NOTCH2: variants seen among roughly 807,000 people sequenced by gnomAD.
NOTCH2 encodes notch receptor 2.
NOTCH2 carries 29 observed loss-of-function variants against 235.8 expected under a neutral mutation model. The observed-to-expected ratio is 0.12, with a 90% confidence interval of 0.09 to 0.17. The LOEUF (loss-of-function observed/expected upper bound fraction) is 0.17. NOTCH2 is among the 10% of genes least tolerant of loss of function. The probability of loss-of-function intolerance (pLI) is 1.00; values close to 1 mark genes in which losing one functional copy is unlikely to be tolerated. For missense variants in NOTCH2, 2,285 were observed against 3,150.2 expected (o/e 0.73, Z 6.57); for synonymous variants, 1,086 against 1,141.5 (o/e 0.95, Z 0.98).
chr1:119,998,429 G>A (rs1377429107), intron 3 of NOTCH2, among the ~76,000 whole-genome samples: 3 of 152,188 alleles, frequency 2.0e-5, no homozygotes, highest in Admixed American at 6.5e-5. Context: ...AAGCCATCAG[G>A]AGGACAGAGG....
chr1:119,932,603 ACAAATATC>A (rs1229523414), intron 22 of NOTCH2, among the ~76,000 whole-genome samples: 2 of 138,088 alleles, frequency 1.4e-5, no homozygotes, highest in African/African-American at 2.9e-5. Context: ...AAACAAACAA[ACAAATATC>A]TATCTATCTA....
chr1:119,962,769 A>C (rs752990376), intron 11 of NOTCH2, among the ~76,000 whole-genome samples: 9 of 152,082 alleles, frequency 5.9e-5, no homozygotes, highest in Non-Finnish European at 1.3e-4. Context: ...CCACTAATAC[A>C]TTTTCCTTTG....
intron 1 of NOTCH2, among the ~76,000 whole-genome samples, chr1:120,063,418 A>G (rs1655386588): frequency 6.6e-6 from 1 of 151,738 alleles, no homozygotes; most frequent in African/African-American, 2.4e-5. Context: ...GGACACCAAA[A>G]AGGCTGTGGA....
chr1:119,947,377 G>A (rs1650297148), intron 17 of NOTCH2, among the ~76,000 whole-genome samples: 1 of 152,056 alleles, frequency 6.6e-6, no homozygotes, highest in Admixed American at 6.5e-5. Flanking sequence ...TTTCACCAAC[G>A]AAGATAGGCA....
At chr1:120,060,718 T>G (rs1190040451) in intron 1 of NOTCH2, among the ~76,000 whole-genome samples, 2 of 151,244 alleles carry the variant, frequency 1.3e-5, no homozygotes, top group Non-Finnish European at 3.0e-5. Flanking sequence ...CGAATAATTC[T>G]GTTGCTACGT....
In NOTCH2 at chr1:119,955,152, C is replaced by A; in HGVS notation, c.2107G>T (p.Gly703Cys). ...CCCTCGGGGCATATACAGCGGAAAC[C>A]ATTCACACCGTTGATACATGTTGCA... ...KGATCINGVN[G>C]FRCICPEGPH... Residue 703 changes from glycine to cysteine, a missense_variant, in exon 13 of 34, where the codon GGT becomes TGT. Physicochemically the swap from Gly to Cys is radical, Grantham distance 159 (BLOSUM62 -3). Coordinates refer to ENST00000256646, the MANE Select transcript of NOTCH2 (RefSeq NM_024408.4). 6.2e-7 allele frequency: 1 copy of A among 1,614,128 alleles called. No individual in the cohort carries two copies. Among genetic ancestry groups the A allele is most frequent in the Non-Finnish European group, 8.5e-7 (1 of 1,180,008 alleles).
At chr1:119,980,598 A>G (rs782745244) in intron 5 of NOTCH2, among the ~76,000 whole-genome samples, 1 of 152,158 alleles carries the variant, frequency 6.6e-6, no homozygotes, top group Non-Finnish European at 1.5e-5. Context: ...TATTTCAGAA[A>G]ATTTCTAATG....
At position 119,948,515 on chromosome 1, in the gene NOTCH2, T is replaced by C; in HGVS notation, c.2651A>G (p.Asn884Ser). The C allele has an allele frequency of 6.2e-7, 1 of 1,614,120 alleles. No individual in the cohort carries two copies. The highest frequency in any genetic ancestry group is 8.5e-7 in the Non-Finnish European group (1 of 1,180,008). Residue 884 changes from asparagine to serine, a missense_variant, in exon 17 of 34, where the codon AAC becomes AGC. Coordinates refer to ENST00000256646, the MANE Select transcript of NOTCH2 (RefSeq NM_024408.4). Reference protein sequence around the residue: ...IDECISKPCMNHGLCHNTQGS... With the variant: ...IDECISKPCMSHGLCHNTQGS... The stretch of plus-strand genomic sequence containing the variant: ...CTGGGTGTTATGGCAGAGACCATGG[T>C]TCATGCAGGGCTTGGAGATACACTC...
At chr1:119,946,917 A>C (rs1265301001) in intron 17 of NOTCH2, among the ~76,000 whole-genome samples, 1 of 152,128 alleles carries the variant, frequency 6.6e-6, no homozygotes, top group African/African-American at 2.4e-5. Flanking sequence ...AAATCCTAAG[A>C]ATCTAAACTA....
chr1:120,058,278 C>A (rs373815198), intron 1 of NOTCH2, among the ~76,000 whole-genome samples: 1 of 151,632 alleles, frequency 6.6e-6, no homozygotes, highest in Non-Finnish European at 1.5e-5. Flanking sequence ...CTGAGGCGGG[C>A]GGATCACCTG....
At chr1:119,978,891 G>A (rs1263825901) in intron 5 of NOTCH2, among the ~76,000 whole-genome samples, 5 of 151,904 alleles carry the variant, frequency 3.3e-5, no homozygotes, top group Non-Finnish European at 7.4e-5. Context: ...TGAGTAAAAT[G>A]GAAAAAAACA....
intron 4 of NOTCH2, chr1:119,996,063 A>G (rs1553204042): frequency 6.5e-6 from 1 of 153,902 alleles, no homozygotes; most frequent in African/African-American, 2.4e-5. Context: ...TTGTTTTTGT[A>G]CTAAGGATAT....
intron 5 of NOTCH2, among the ~76,000 whole-genome samples, chr1:119,971,832 T>C (rs1651371880): frequency 6.6e-6 from 1 of 152,218 alleles, no homozygotes; most frequent in South Asian, 2.1e-4. Context: ...GCCTACTCAG[T>C]GGCATAGCCA....
At chr1:119,967,402 C>T in intron 8 of NOTCH2, 31 bp downstream of exon 8, 1 of 1,603,002 alleles carries the variant, frequency 6.2e-7, no homozygotes, top group African/African-American at 1.3e-5. Context: ...TCCCTCCTCT[C>T]TAGACCCAAC....
intron 1 of NOTCH2, among the ~76,000 whole-genome samples, chr1:120,031,194 G>A (rs1365851523): frequency 7.0e-6 from 1 of 142,248 alleles, no homozygotes; most frequent in Non-Finnish European, 1.5e-5. Flanking sequence ...TAGCCCAGGT[G>A]CAAGCTGGAT....
rs1553197311 is a variant in NOTCH2, at chr1:119,948,399, G to C, written c.2752+15C>G. The stretch of plus-strand genomic sequence containing the variant: ...CCTCTCCTCTGGGGGCTTAAGAGCT[G>C]ACTGGCATACTCACTGGCAAGGCAG... On this transcript the variant is annotated intron_variant, in intron 17 of 33. Transcript: ENST00000256646. The C allele has an allele frequency of 6.2e-7, 1 of 1,613,718 alleles. No homozygotes were observed. Among genetic ancestry groups the C allele is most frequent in the Non-Finnish European group, 8.5e-7 (1 of 1,180,020 alleles).
At chr1:119,989,073 C>G (rs368676259) in intron 4 of NOTCH2, among the ~76,000 whole-genome samples, 3 of 152,200 alleles carry the variant, frequency 2.0e-5, no homozygotes, top group African/African-American at 7.2e-5. Flanking sequence ...GTAGGTAAGA[C>G]AGTTATTTCA....
intron 12 of NOTCH2, among the ~76,000 whole-genome samples, chr1:119,955,514 C>T (rs1267195784): frequency 1.3e-5 from 2 of 152,230 alleles, no homozygotes; most frequent in African/African-American, 4.8e-5. Flanking sequence ...GGAAACTTCA[C>T]AAGGTTCTAA....
chr1:120,028,330 C>T (rs1553210359), intron 2 of NOTCH2, among the ~76,000 whole-genome samples: 1 of 136,988 alleles, frequency 7.3e-6, no homozygotes, highest in Non-Finnish European at 1.6e-5. Flanking sequence ...AACTAAGGCA[C>T]CAAATGCCAC....
Sources: gnomAD v4.1 joint callset for allele counts (sites outside exome capture counted in the v4.1 genomes callset) on GRCh38, gnomAD v4.1.1 for gene constraint, MANE v1.5 for transcripts, NCBI Gene and HGNC (gene_info 2026-07-23, HGNC 2026-07-21) for gene names.